Variants in RNF19A observed in about 807,000 individuals in gnomAD.
RNF19A encodes ring finger protein 19A, RBR E3 ubiquitin protein ligase, also known as E3 ubiquitin-protein ligase RNF19A.
RNF19A carries 32 observed loss-of-function variants against 75.7 expected under a neutral mutation model. That is an observed-to-expected ratio of 0.42 (90% confidence interval 0.32 to 0.57). The LOEUF (loss-of-function observed/expected upper bound fraction) is 0.57. Among genes scored for constraint, RNF19A ranks in the 20% least tolerant of loss-of-function variants. RNF19A has a pLI of 0.10. For synonymous variants in RNF19A, 335 were observed against 345.2 expected, an observed-to-expected ratio of 0.97 and a Z score of 0.33; for missense variants, 782 against 1,036.3, an observed-to-expected ratio of 0.75 and a Z score of 3.37.
At chr8:100,319,794 T>C (rs544647895) in intron 1 of RNF19A, among the ~76,000 whole-genome samples, 67 of 150,542 alleles carry the variant, frequency 4.5e-4, no homozygotes, top group Non-Finnish European at 7.4e-4. Flanking sequence ...CCTCCCAAAG[T>C]GCTGGGATTA....
intron 7 of RNF19A, among the ~76,000 whole-genome samples, chr8:100,262,594 T>C (rs1156354073): frequency 3.3e-5 from 5 of 152,176 alleles, no homozygotes; most frequent in South Asian, 2.1e-4. Flanking sequence ...TTTTGGGCTA[T>C]GATAAGGACT....
chr8:100,309,838 C>T lies in RNF19A; in HGVS notation c.-94+29G>A, dbSNP rs1204200488. The T allele has an allele frequency of 4.1e-6, 4 of 985,528 alleles. No homozygotes were observed. In the East Asian group the frequency reaches 4.5e-4, roughly 112 times the overall value. 61.0% of individuals were successfully genotyped at this position (985,528 alleles called of 1,614,324 possible). On this transcript the variant is annotated intron_variant, in intron 1 of 9. Coordinates refer to ENST00000341084, the MANE Select transcript of RNF19A (RefSeq NM_183419.4). The stretch of plus-strand genomic sequence containing the variant: ...CCGCCCCTTCTCTCCCGCTCCGGGG[C>T]GCAAGCTCCTCCGGGTGCCCGCCCG...
rs141774346 is a variant in RNF19A at position 100,331,671 on chromosome 8, T to G, written c.-243+4437A>C. On this transcript the variant is annotated intron_variant, in intron 1 of 3. Coordinates refer to the RNF19A transcript ENST00000519527. The surrounding 1 kb of genome is among the most constrained non-coding windows in gnomAD (Gnocchi z 5.2). ...CAAAAACCAGATATACGGCGCAAAA[T>G]TTGAAAGGAATAAAAGGGTAGAGTG... is the stretch of plus-strand genomic sequence containing the variant. Among the ~76,000 whole-genome samples the G allele has an allele frequency of 1.7e-4, 26 of 152,142 alleles. No individual in the cohort carries two copies. Among genetic ancestry groups the G allele is most frequent in the African/African-American group, 5.8e-4 (24 of 41,516 alleles).
intron 1 of RNF19A, among the ~76,000 whole-genome samples, chr8:100,293,343 C>T (rs918063422): frequency 6.6e-6 from 1 of 152,166 alleles, no homozygotes; most frequent in African/African-American, 2.4e-5. Flanking sequence ...TGTTATTTCA[C>T]CTTCACGTTT....
chr8:100,298,089 T>C (rs1821654497), intron 1 of RNF19A, among the ~76,000 whole-genome samples: 1 of 151,556 alleles, frequency 6.6e-6, no homozygotes, highest in South Asian at 2.1e-4. Flanking sequence ...AAATAACACA[T>C]CAAGAATTCA....
intron 1 of RNF19A, among the ~76,000 whole-genome samples, chr8:100,301,838 T>C (rs1821843614): frequency 6.6e-6 from 1 of 152,212 alleles, no homozygotes; most frequent in Non-Finnish European, 1.5e-5. Context: ...TGGTGTTGAT[T>C]ACTATTTTAA....
chr8:100,272,800 T>C (rs1210070724), intron 3 of RNF19A, among the ~76,000 whole-genome samples: 2 of 152,178 alleles, frequency 1.3e-5, no homozygotes, highest in East Asian at 1.9e-4. Flanking sequence ...TCTGGCCGCT[T>C]TGGCCTCCCA....
chr8:100,295,046 T>C (rs1016576553), intron 1 of RNF19A, among the ~76,000 whole-genome samples: 7 of 152,196 alleles, frequency 4.6e-5, no homozygotes, highest in Non-Finnish European at 7.4e-5. Flanking sequence ...GTGAACAAAA[T>C]AGACAAGGTC....
upstream of RNF19A, among the ~76,000 whole-genome samples, chr8:100,313,948 A>G (rs1399702878): frequency 2.9e-5 from 4 of 138,736 alleles, no homozygotes; most frequent in Non-Finnish European, 1.5e-5. Context: ...GTGGCTCAAT[A>G]TTGGCTCATT....
chr8:100,261,797 T>C lies in RNF19A; in HGVS notation c.1469-42A>G, dbSNP rs546551438. ...CAAAGAAACTAAGTAAGTATGATTA[T>C]CAATTTTCTCCTTCTTAAATTCCTC... On this transcript the variant is annotated intron_variant, in intron 7 of 9. Transcript: ENST00000341084. The surrounding 1 kb of genome is among the most constrained non-coding windows in gnomAD (Gnocchi z 4.4). 40 of 1,574,824 alleles carry C rather than the reference T, an allele frequency of 2.5e-5. No homozygotes were observed. In the African/African-American group the frequency reaches 4.9e-4, roughly 19 times the overall value.
intron 1 of RNF19A, among the ~76,000 whole-genome samples, chr8:100,304,486 G>C (rs374425898): frequency 6.6e-6 from 1 of 151,888 alleles, no homozygotes; most frequent in Non-Finnish European, 1.5e-5. Context: ...CTACTTACCA[G>C]TTCCCACCCC....
At chr8:100,268,604 T>C in intron 5 of RNF19A, 181 bp downstream of exon 5, 2 of 403,682 alleles carry the variant, frequency 5.0e-6, no homozygotes, top group South Asian at 9.1e-5. Flanking sequence ...TACGTATTTA[T>C]ATATGCTTGC....
chr8:100,280,294 A>AT, intron 2 of RNF19A, among the ~76,000 whole-genome samples: 1 of 152,192 alleles, frequency 6.6e-6, no homozygotes, highest in Non-Finnish European at 1.5e-5. Context: ...ATATCCCCCA[A>AT]ACTAGCAAAT....
Position 100,261,731 on chromosome 8 carries a change from C to G in RNF19A, c.1493G>C (p.Arg498Thr). ...TCCCTCCCCTATGCTTGGGTTGTGTCTTGCTTCTGCTACTGATGTTGTGTC... is the reference window on the plus strand; with the variant it reads ...TCCCTCCCCTATGCTTGGGTTGTGTGTTGCTTCTGCTACTGATGTTGTGTC... ...AVDTTSVAEARHNPSIGEGSV... is the reference protein window; with the variant it reads ...AVDTTSVAEATHNPSIGEGSV... Residue 498 changes from arginine (R) to threonine (T), a missense_variant, in exon 8 of 10, where the codon AGA (arginine) becomes ACA (threonine). Transcript: ENST00000341084. This position sits in a 1 kb window ranked among gnomAD's most constrained non-coding sequence, Gnocchi z 4.4. 6.2e-7 allele frequency: 1 copy of G among 1,614,128 alleles called. No individual in the cohort carries two copies. The highest frequency in any genetic ancestry group is 8.5e-7 in the Non-Finnish European group (1 of 1,179,994).
At chr8:100,278,102 C>T (rs1439037552) in intron 2 of RNF19A, among the ~76,000 whole-genome samples, 1 of 152,248 alleles carries the variant, frequency 6.6e-6, no homozygotes, top group African/African-American at 2.4e-5. Flanking sequence ...TATCTCCCAA[C>T]AACTAAGTTT....
chr8:100,328,650 T>C (rs1822571766), intron 1 of RNF19A, among the ~76,000 whole-genome samples: 1 of 152,090 alleles, frequency 6.6e-6, no homozygotes, highest in Non-Finnish European at 1.5e-5. Flanking sequence ...TTTTGCATTT[T>C]CAGTAGAGAC....
In RNF19A at chr8:100,264,049, T is replaced by A. The variant is rs1393520052; in HGVS notation, c.1453A>T (p.Thr485Ser). ...AAGGACTTACCTACAGCTGTGTTAG[T>A]TCCACCAACATTTATATCATTTTCA... Reference protein sequence around the residue: ...DDENDINVGGTNTAVDTTSVA... With the variant: ...DDENDINVGGSNTAVDTTSVA... Residue 485 changes from threonine (T) to serine (S), a missense_variant, in exon 7 of 10, where the codon ACT becomes TCT. Thr to Ser is a moderately conservative substitution (Grantham distance 58). Transcript: ENST00000341084. The surrounding 1 kb of genome is among the most constrained non-coding windows in gnomAD (Gnocchi z 4.7). 14 of 1,613,518 alleles carry A rather than the reference T, an allele frequency of 8.7e-6. No homozygotes were observed. Among genetic ancestry groups the A allele is most frequent in the Non-Finnish European group, 1.1e-5 (13 of 1,179,662 alleles).
intron 1 of RNF19A, among the ~76,000 whole-genome samples, chr8:100,305,428 CT>C (rs1441018856): frequency 2.0e-5 from 3 of 152,182 alleles, no homozygotes; most frequent in Non-Finnish European, 4.4e-5. Flanking sequence ...CAAAACGCCC[CT>C]AGAGCTACGC....
rs573880858 is a variant in RNF19A at position 100,329,287 on chromosome 8, G to A, written c.-243+6821C>T. Among the ~76,000 whole-genome samples the A allele has an allele frequency of 1.2e-3, 182 of 151,864 alleles. No homozygotes were observed. Among genetic ancestry groups the A allele is most frequent in the Non-Finnish European group, 2.1e-3 (144 of 67,956 alleles). ...CGTACACAAACACACACATTAGGACGTTCTATTCTTTTGGATCAAAAAATG... is the reference window on the plus strand; with the variant it reads ...CGTACACAAACACACACATTAGGACATTCTATTCTTTTGGATCAAAAAATG... On this transcript the variant is annotated intron_variant, in intron 1 of 3. Coordinates refer to the RNF19A transcript ENST00000519527. This position sits in a 1 kb window ranked among gnomAD's most constrained non-coding sequence, Gnocchi z 4.3.
Sources: allele counts gnomAD v4.1 joint callset (sites outside exome capture counted in the v4.1 genomes callset), GRCh38; gene constraint gnomAD v4.1.1; non-coding constraint Gnocchi (gnomAD v3.1); transcripts MANE v1.5; gene names NCBI Gene and HGNC (gene_info 2026-07-23, HGNC 2026-07-21).